The following ADAMTSL1 variants were observed in gnomAD, a reference collection of about 807,000 sequenced individuals.
ADAMTSL1 encodes the protein ADAMTS-like protein 1.
A neutral mutation model predicts 201.8 loss-of-function variants in ADAMTSL1; 126 were observed. The observed-to-expected ratio is 0.62, with a 90% confidence interval of 0.54 to 0.72. The LOEUF is 0.72. ADAMTSL1 is among the 30% of genes least tolerant of loss of function. The pLI, the probability that ADAMTSL1 is intolerant of heterozygous loss-of-function variation, is 0.00. For synonymous variants in ADAMTSL1, 1,121 were observed against 903.4 expected (o/e 1.24, Z -4.32); for missense variants, 2,679 against 2,277.8 (o/e 1.18, Z -3.59).
At chr9:18,593,315 G>T (rs576362439) in intron 4 of ADAMTSL1, among the ~76,000 whole-genome samples, 73 of 152,162 alleles carry the variant, frequency 4.8e-4, no homozygotes, top group Non-Finnish European at 8.4e-4. Context: ...AAAGCTTTCA[G>T]TTTTTCCCCA....
intron 2 of ADAMTSL1, among the ~76,000 whole-genome samples, chr9:18,183,080 G>A (rs1454281218): frequency 2.0e-5 from 3 of 152,126 alleles, no homozygotes; most frequent in Non-Finnish European, 4.4e-5. Context: ...TCTGCCAAAA[G>A]TGTCCTCCCC....
chr9:17,925,961 T>C (rs534746564), intron 1 of ADAMTSL1, among the ~76,000 whole-genome samples: 50 of 152,202 alleles, frequency 3.3e-4, no homozygotes, highest in African/African-American at 1.2e-3. Flanking sequence ...AATGTAGCAA[T>C]TGTTGCTACA....
chr9:18,239,968 T>C (rs571752494), intron 2 of ADAMTSL1, among the ~76,000 whole-genome samples: 1 of 152,286 alleles, frequency 6.6e-6, no homozygotes, highest in South Asian at 2.1e-4. Flanking sequence ...TCCACTGAAG[T>C]CTTGATGTTC....
intron 2 of ADAMTSL1, among the ~76,000 whole-genome samples, chr9:18,169,893 C>T (rs1265545608): frequency 6.6e-6 from 1 of 151,874 alleles, no homozygotes; most frequent in Non-Finnish European, 1.5e-5. Flanking sequence ...AAAGGTAAGT[C>T]ATTCCTATTT....
intron 1 of ADAMTSL1, among the ~76,000 whole-genome samples, chr9:17,992,592 C>G (rs985503633): frequency 9.2e-5 from 14 of 152,008 alleles, no homozygotes; most frequent in Non-Finnish European, 2.9e-5. Flanking sequence ...TCAAGACCAT[C>G]CCGGGAAAAG....
At position 18,775,843 on chromosome 9, in the gene ADAMTSL1, C is replaced by T. The variant is rs750448171; in HGVS notation, c.2498C>T (p.Pro833Leu). 1 of 1,605,788 alleles carries T rather than the reference C, an allele frequency of 6.2e-7. No homozygotes were observed. Among genetic ancestry groups the T allele is most frequent in the African/African-American group, 1.3e-5 (1 of 74,870 alleles). ...LSTVVNSTLCPPLPFSSSIRP... is the reference protein window; with the variant it reads ...LSTVVNSTLCLPLPFSSSIRP... ...ACGGTTGTCAATTCCACCCTGTGCC[C>T]GCCCCTGCCTTTCTCTTCCTCCATC... The change falls in exon 18 of 29, where the codon CCG (proline) becomes CTG (leucine). Residue 833 changes from proline to leucine, a missense_variant. Transcript: ENST00000380548.
chr9:18,676,747 T>A (rs1057404627), intron 10 of ADAMTSL1, among the ~76,000 whole-genome samples: 1 of 152,068 alleles, frequency 6.6e-6, no homozygotes, highest in African/African-American at 2.4e-5. Context: ...AGGGTTTATA[T>A]CAGATCATAA....
rs111721294 is a variant in ADAMTSL1, at chr9:18,254,549, A to G, written c.207+90568A>G. Among the ~76,000 whole-genome samples, 1,027 of 150,900 alleles carry G rather than the reference A, an allele frequency of 6.8e-3. 8 individuals are homozygous for G. The highest frequency in any genetic ancestry group is 0.022 in the African/African-American group (893 of 41,148). ...GGCTAACTTTTTTGTATTTTTAGTA[A>G]AGACGGGGTTTCACCATGTTAGCCA... is the stretch of plus-strand genomic sequence containing the variant. On this transcript the variant is annotated intron_variant, in intron 2 of 29. Coordinates refer to the ADAMTSL1 transcript ENST00000680146.
At chr9:18,280,820 C>T (rs1402587576) in intron 2 of ADAMTSL1, among the ~76,000 whole-genome samples, 2 of 150,240 alleles carry the variant, frequency 1.3e-5, no homozygotes, top group South Asian at 2.1e-4. Flanking sequence ...TTTTCTGAGA[C>T]AAATATTTAA....
At chr9:18,470,317 T>C (rs921385818), upstream of ADAMTSL1, among the ~76,000 whole-genome samples, 5 of 152,236 alleles carry the variant, frequency 3.3e-5, no homozygotes, top group Non-Finnish European at 5.9e-5. Context: ...TGGTGTTAAA[T>C]AGATACTAGG....
intron 10 of ADAMTSL1, among the ~76,000 whole-genome samples, chr9:18,676,868 T>G (rs1034819035): frequency 1.3e-5 from 2 of 152,078 alleles, no homozygotes; most frequent in African/African-American, 4.8e-5. Context: ...AAATACATAA[T>G]GAATTAGAAT....
intron 1 of ADAMTSL1, among the ~76,000 whole-genome samples, chr9:17,936,459 A>G (rs1027277504): frequency 1.3e-5 from 2 of 152,158 alleles, no homozygotes; most frequent in African/African-American, 4.8e-5. Flanking sequence ...GAAGAAACAC[A>G]GGCTGGGTGA....
At chr9:17,947,569 A>G (rs1028403878) in intron 1 of ADAMTSL1, among the ~76,000 whole-genome samples, 2 of 152,104 alleles carry the variant, frequency 1.3e-5, no homozygotes, top group Non-Finnish European at 2.9e-5. Flanking sequence ...TGAATTTGCA[A>G]TTGCAGTTGC....
intron 1 of ADAMTSL1, among the ~76,000 whole-genome samples, chr9:18,136,247 A>C (rs1826151284): frequency 1.3e-5 from 2 of 152,178 alleles, no homozygotes. Flanking sequence ...GAGTCTAATT[A>C]AGAACGTCAG....
intron 1 of ADAMTSL1, among the ~76,000 whole-genome samples, chr9:18,074,955 A>G (rs921126107): frequency 6.6e-5 from 10 of 152,190 alleles, no homozygotes; most frequent in Admixed American, 2.6e-4. Flanking sequence ...GAACAAATTT[A>G]TTGGAAATAA....
At chr9:18,823,633 A>C (rs1824350805) in intron 21 of ADAMTSL1, among the ~76,000 whole-genome samples, 1 of 152,154 alleles carries the variant, frequency 6.6e-6, no homozygotes, top group Non-Finnish European at 1.5e-5. Flanking sequence ...CCTCAAAGGA[A>C]GATGCAGGCA....
At chr9:18,235,521 C>G (rs147272872) in intron 2 of ADAMTSL1, among the ~76,000 whole-genome samples, 24 of 152,314 alleles carry the variant, frequency 1.6e-4, no homozygotes, top group African/African-American at 5.8e-4. Context: ...AGCTGCCCTG[C>G]TATACCTACA....
chr9:18,236,001 T>C (rs748775593), intron 2 of ADAMTSL1, among the ~76,000 whole-genome samples: 8 of 152,238 alleles, frequency 5.3e-5, no homozygotes, highest in Non-Finnish European at 1.0e-4. Flanking sequence ...TTAGAAGTTG[T>C]CTTTCAATTT....
chr9:17,969,260 GGAA>G (rs1818108680), intron 1 of ADAMTSL1, among the ~76,000 whole-genome samples: 1 of 152,040 alleles, frequency 6.6e-6, no homozygotes, highest in African/African-American at 2.4e-5. Flanking sequence ...ACAGGAAATA[GGAA>G]GAAGATGTGA....
Sources: allele counts gnomAD v4.1 joint callset (sites outside exome capture counted in the v4.1 genomes callset), GRCh38; gene constraint gnomAD v4.1.1; transcripts MANE v1.5; gene names NCBI Gene and HGNC (gene_info 2026-07-23, HGNC 2026-07-21).